Variants in CEP126 observed in about 807,000 individuals in gnomAD.
CEP126 encodes centrosomal protein of 126 kDa.
In CEP126, 74 loss-of-function variants were observed where a neutral mutation model predicts 107.8. The ratio of observed to expected loss-of-function variants is 0.69; its 90% CI spans 0.57 to 0.83. The LOEUF (loss-of-function observed/expected upper bound fraction) is 0.83, where lower values mean the gene tolerates loss of function less well. Ranked by LOEUF, CEP126 falls within the 40% of genes least tolerant of loss-of-function variation. The pLI is 0.00. For synonymous variants in CEP126, 449 were observed against 446.0 expected, an observed-to-expected ratio of 1.01 and a Z score of -0.08; for missense variants, 1,237 against 1,281.9, an observed-to-expected ratio of 0.96 and a Z score of 0.53.
chr11:101,955,828 C>G (rs1940878857), intron 4 of CEP126: 1 of 454,974 alleles, frequency 2.2e-6, no homozygotes, highest in African/African-American at 2.0e-5. Context: ...CCACACCTGA[C>G]CCCTACTTAC....
At chr11:101,977,920 C>T (rs922482405) in intron 6 of CEP126, among the ~76,000 whole-genome samples, 2 of 152,176 alleles carry the variant, frequency 1.3e-5, no homozygotes, top group Non-Finnish European at 2.9e-5. Context: ...TTTAAGATAA[C>T]TGAGTTTACT....
rs534832867 is a variant in CEP126 at position 101,931,246 on chromosome 11, A to G, written c.248+8486A>G. Among the ~76,000 whole-genome samples, 6 of 152,284 alleles carry G rather than the reference A, an allele frequency of 3.9e-5. No homozygotes were observed. The East Asian group carries it at 1.2e-3, about 29-fold the overall frequency. Reference sequence around the variant, plus strand: ...TTGTATGATGTATATTACTAATTCTATGAATCTTTATTGTTTAGGTGTTTT... The same window carrying G: ...TTGTATGATGTATATTACTAATTCTGTGAATCTTTATTGTTTAGGTGTTTT... On this transcript the variant is annotated intron_variant, in intron 2 of 10. Coordinates refer to ENST00000263468, the MANE Select transcript of CEP126 (RefSeq NM_020802.4).
At chr11:101,921,431 G>A (rs1269715421) in intron 1 of CEP126, among the ~76,000 whole-genome samples, 2 of 152,084 alleles carry the variant, frequency 1.3e-5, no homozygotes, top group Non-Finnish European at 2.9e-5. Context: ...ATGAGGCCAA[G>A]CACGGTGGCT....
chr11:101,924,523 G>T (rs756857633), intron 2 of CEP126, among the ~76,000 whole-genome samples: 1 of 151,742 alleles, frequency 6.6e-6, no homozygotes, highest in Non-Finnish European at 1.5e-5. Context: ...TGGAGTACAG[G>T]GGCACAATCT....
chr11:101,915,774 A>G (rs541712044), intron 1 of CEP126, among the ~76,000 whole-genome samples: 36 of 152,350 alleles, frequency 2.4e-4, no homozygotes, highest in African/African-American at 8.7e-4. Context: ...TGGAGAGAGA[A>G]ATTACACAAA....
At chr11:101,958,147 C>CT (rs1940923905) in intron 4 of CEP126, 21 bp from the exon 5 acceptor site, 2 of 1,606,370 alleles carry the variant, frequency 1.2e-6, no homozygotes, top group East Asian at 2.2e-5. Flanking sequence ...GTACTAAGCA[C>CT]TTTTTATGTC....
intron 1 of CEP126, among the ~76,000 whole-genome samples, chr11:101,922,251 G>T (rs992069429): frequency 6.8e-6 from 1 of 147,092 alleles, no homozygotes; most frequent in East Asian, 2.0e-4. Flanking sequence ...TGCAACCTCC[G>T]CCTCCCGGGT....
chr11:101,930,341 T>C (rs1454698462), intron 2 of CEP126, among the ~76,000 whole-genome samples: 1 of 152,238 alleles, frequency 6.6e-6, no homozygotes, highest in East Asian at 1.9e-4. Context: ...TAATAACTAA[T>C]ACAGTGTAAA....
At chr11:101,979,662 C>G (rs1941233119) in intron 7 of CEP126, among the ~76,000 whole-genome samples, 1 of 152,104 alleles carries the variant, frequency 6.6e-6, no homozygotes. Flanking sequence ...TGCATGAGCC[C>G]AGGAGTTTGA....
chr11:101,963,840 A>C lies in CEP126; in HGVS notation c.2805A>C (p.Lys935Asn). The C allele has an allele frequency of 6.2e-7, 1 of 1,613,664 alleles. No homozygotes were observed. Among genetic ancestry groups the C allele is most frequent in the Non-Finnish European group, 8.5e-7 (1 of 1,179,784 alleles). ...TAEEESVPLW[K>N]RGPNVLHQNK... ...AAGAAGAATCAGTTCCCTTATGGAA[A>C]AGAGGTCCTAATGTCCTGCATCAAA... Residue 935 changes from lysine (K) to asparagine (N), a missense_variant, in exon 6 of 11, where the codon AAA (lysine) becomes AAC (asparagine). This residue lies in a region of CEP126 where 1,134 missense variants were observed against 1,150.5 expected (regional missense o/e 0.99). Transcript: ENST00000263468.
Position 101,944,272 on chromosome 11 carries a change from G to A in CEP126, c.256G>A (p.Glu86Lys). The change falls in exon 3 of 11, where the codon GAG becomes AAG. Residue 86 changes from glutamate to lysine, a missense_variant. Coordinates refer to ENST00000263468, the MANE Select transcript of CEP126 (RefSeq NM_020802.4). ...VESNRRKKAFEEKRKEQEEKE... is the reference protein window; with the variant it reads ...VESNRRKKAFKEKRKEQEEKE... ...TTTGTGTTTTAAATATAGAGCTTTTGAGGAGAAACGAAAAGAACAGGAAGA... is the reference window on the plus strand; with the variant it reads ...TTTGTGTTTTAAATATAGAGCTTTTAAGGAGAAACGAAAAGAACAGGAAGA... 6.3e-7 allele frequency: 1 copy of A among 1,586,904 alleles called. No individual in the cohort carries two copies. The highest frequency in any genetic ancestry group is 1.4e-5 in the African/African-American group (1 of 72,950).
intron 6 of CEP126, among the ~76,000 whole-genome samples, chr11:101,974,726 T>C (rs1941173326): frequency 6.6e-6 from 1 of 152,208 alleles, no homozygotes; most frequent in Non-Finnish European, 1.5e-5. Flanking sequence ...GAGATACCAG[T>C]GCAAGCTACA....
At chr11:101,920,496 T>G (rs1156799217) in intron 1 of CEP126, among the ~76,000 whole-genome samples, 2 of 152,016 alleles carry the variant, frequency 1.3e-5, no homozygotes. Flanking sequence ...CTGTTTGTTC[T>G]AAAAAAGACA....
At chr11:101,978,499 A>C (rs781686253) in intron 7 of CEP126, 40 bp downstream of exon 7, 39 of 1,347,546 alleles carry the variant, frequency 2.9e-5, no homozygotes, top group Non-Finnish European at 3.9e-5. Context: ...TCAATATTTA[A>C]AAATTGCTTG....
chr11:101,950,995 G>C (rs896520375), intron 4 of CEP126, among the ~76,000 whole-genome samples: 1 of 152,082 alleles, frequency 6.6e-6, no homozygotes, highest in East Asian at 1.9e-4. Flanking sequence ...GACCAGAGAG[G>C]AAATTATTGG....
rs751668564 is a variant in CEP126, at chr11:101,997,695, A to T, written c.*52A>T. 2.5e-6 allele frequency: 4 copies of T among 1,610,252 alleles called. No homozygotes were observed. The highest frequency in any genetic ancestry group is 3.4e-6 in the Non-Finnish European group (4 of 1,178,224). ...CTTTCATGTACTTCCCTAGGACTAG[A>T]TGCATACCGTTTTGTGAAAACCAGC... On this transcript the variant is annotated 3_prime_UTR_variant, in exon 11 of 11. Transcript: ENST00000263468.
chr11:101,937,910 T>C (rs1940607997), intron 2 of CEP126, among the ~76,000 whole-genome samples: 1 of 151,682 alleles, frequency 6.6e-6, no homozygotes, highest in Non-Finnish European at 1.5e-5. Context: ...TCCCAGCACT[T>C]TGGGAGGCCG....
At chr11:101,965,965 T>C (rs1941053120) in intron 6 of CEP126, among the ~76,000 whole-genome samples, 1 of 152,128 alleles carries the variant, frequency 6.6e-6, no homozygotes, top group Admixed American at 6.5e-5. Flanking sequence ...AGGAAACTTA[T>C]AGTTTCCCAA....
chr11:101,938,943 A>G lies in CEP126; in HGVS notation c.249-5322A>G, dbSNP rs139275977. Reference sequence around the variant, plus strand: ...TGTTTTGGTCAAAAACATACCCTGTAAGATTTTAATCTTATGAAATTCATT... The same window carrying G: ...TGTTTTGGTCAAAAACATACCCTGTGAGATTTTAATCTTATGAAATTCATT... On this transcript the variant is annotated intron_variant, in intron 2 of 10. Coordinates refer to ENST00000263468, the MANE Select transcript of CEP126 (RefSeq NM_020802.4). Among the ~76,000 whole-genome samples the G allele has an allele frequency of 2.4e-3, 360 of 152,270 alleles. 2 individuals carry two copies. Among genetic ancestry groups the G allele is most frequent in the Middle Eastern group, 6.8e-3 (2 of 294 alleles).
Sources: allele counts gnomAD v4.1 joint callset (sites outside exome capture counted in the v4.1 genomes callset), GRCh38; gene constraint gnomAD v4.1.1; regional missense constraint gnomAD v4.1.1; transcripts MANE v1.5; gene names NCBI Gene and HGNC (gene_info 2026-07-23, HGNC 2026-07-21).